Variants in ZNF544 observed in about 807,000 individuals in gnomAD.
ZNF544 encodes zinc finger protein AF020591.
In ZNF544, 10 loss-of-function variants were observed where a neutral mutation model predicts 13.5. The ratio of observed to expected loss-of-function variants is 0.74; its 90% CI spans 0.46 to 1.25. The LOEUF (loss-of-function observed/expected upper bound fraction) is 1.25. Ranked by LOEUF, ZNF544 falls within the 50% of genes most tolerant of loss-of-function variation. ZNF544 has a pLI of 0.00. For missense variants in ZNF544, 896 were observed against 845.6 expected (o/e 1.06, Z -0.74); for synonymous variants, 323 against 300.5 (o/e 1.07, Z -0.77).
chr19:58,262,419 G>A lies in ZNF544; in HGVS notation c.1813G>A (p.Glu605Lys). The part of the protein sequence containing the change: ...KRTHTGEKPY[E>K]CNECGKAFNR... ...AACTCACACTGGAGAAAAGCCCTAT[G>A]AATGTAACGAGTGTGGAAAAGCCTT... The change falls in exon 7 of 7, where the codon GAA (glutamate) becomes AAA (lysine). Residue 605 changes from glutamate to lysine, a missense_variant. By Grantham distance (56) the Glu-to-Lys change is moderately conservative. Transcript: ENST00000687789. 6.2e-7 allele frequency: 1 copy of A among 1,614,200 alleles called. No individual in the cohort carries two copies. Among genetic ancestry groups the A allele is most frequent in the South Asian group, 1.1e-5 (1 of 91,090 alleles).
intron 5 of ZNF544, among the ~76,000 whole-genome samples, chr19:58,273,476 G>A (rs529923322): frequency 6.6e-6 from 1 of 152,130 alleles, no homozygotes. Context: ...GGATCACCAG[G>A]TCAGGAGATA....
At chr19:58,268,514 G>GAA (rs1399340275), downstream of ZNF544, among the ~76,000 whole-genome samples, 1 of 152,188 alleles carries the variant, frequency 6.6e-6, no homozygotes, top group Non-Finnish European at 1.5e-5. Context: ...ACTTTCTGCA[G>GAA]AAAGGGTGCT....
intron 3 of ZNF544, among the ~76,000 whole-genome samples, chr19:58,236,898 T>C (rs1171162856): frequency 1.4e-5 from 2 of 148,060 alleles, no homozygotes; most frequent in Non-Finnish European, 3.0e-5. Flanking sequence ...CGCGCCACCA[T>C]GCCCAGCTAA....
At chr19:58,237,135 G>A (rs1470627177) in intron 3 of ZNF544, among the ~76,000 whole-genome samples, 4 of 147,846 alleles carry the variant, frequency 2.7e-5, no homozygotes, top group Non-Finnish European at 5.9e-5. Context: ...TGTGATCTTG[G>A]CTCACTGCAG....
At position 58,261,276 on chromosome 19, in the gene ZNF544, C is replaced by CA. The variant is rs1449518521; in HGVS notation, c.671dup (p.Ser225GlufsTer6). The CA allele has an allele frequency of 6.2e-7, 1 of 1,614,016 alleles. No individual in the cohort carries two copies. The highest frequency in any genetic ancestry group is 8.5e-7 in the Non-Finnish European group (1 of 1,180,048). On this transcript the variant is annotated frameshift_variant, in exon 7 of 7. Transcript: ENST00000687789. LOFTEE classifies it low-confidence loss of function (END_TRUNC). ...TCATCAGTGTGCTAGAGCTTTCTGT[C>CA]AGAGTATTTACTTGAGTAAACTTGG... is the stretch of plus-strand genomic sequence containing the variant.
chr19:58,260,795 T>TCCCCCCCC, intron 6 of ZNF544, 56 bp from the exon 7 acceptor site: 1 of 1,367,068 alleles, frequency 7.3e-7, no homozygotes, highest in South Asian at 1.5e-5. Flanking sequence ...CATCTCCCCC[T>TCCCCCCCC]CCCCCTCCCC....
intron 3 of ZNF544, among the ~76,000 whole-genome samples, chr19:58,232,745 T>A: frequency 7.6e-6 from 1 of 131,562 alleles, no homozygotes; most frequent in East Asian, 2.1e-4. Flanking sequence ...CTGGCTAACA[T>A]GGGGAAACCC....
At chr19:58,260,107 T>A (rs1157008199) in intron 6 of ZNF544, among the ~76,000 whole-genome samples, 3 of 152,092 alleles carry the variant, frequency 2.0e-5, no homozygotes, top group Non-Finnish European at 4.4e-5. Flanking sequence ...GAAAACTAAG[T>A]AAATAATAAT....
At chr19:58,260,265 A>T (rs529091679) in intron 6 of ZNF544, 4 of 152,082 alleles carry the variant, frequency 2.6e-5, no homozygotes, top group Admixed American at 2.6e-4. Flanking sequence ...TTCTCTTTTT[A>T]TCTTCACCTC....
chr19:58,263,612 T>C lies in ZNF544; in HGVS notation c.*858T>C. On this transcript the variant is annotated 3_prime_UTR_variant, in exon 7 of 7. Transcript: ENST00000687789. ...AAACTGTGTATTACCAAGCTCACTC[T>C]AGCCAACTAAATAAAAATCTCTGGC... is the stretch of plus-strand genomic sequence containing the variant. 1.0e-6 allele frequency: 1 copy of C among 977,174 alleles called. No individual in the cohort carries two copies. The highest frequency in any genetic ancestry group is 4.7e-5 in the South Asian group (1 of 21,114). 60.5% of individuals were successfully genotyped at this position (977,174 alleles called of 1,614,324 possible). A position where few individuals can be genotyped will look rare whatever the true frequency, so the allele number is the denominator to read the frequency against.
In ZNF544 at chr19:58,246,358, C is replaced by T; in HGVS notation, c.91C>T (p.Leu31=). The change falls in exon 5 of 7, where the codon CTG becomes TTG. Residue 31 remains leucine, a synonymous_variant. Coordinates refer to ENST00000687789, the MANE Select transcript of ZNF544 (RefSeq NM_014480.4). ...MAFTQEEWEQ[L]DLAQRTLYRE... is the part of the protein sequence containing the mutation. Reference sequence around the variant, plus strand: ...ATTCACACAGGAGGAGTGGGAACAGCTGGACCTGGCCCAGAGGACACTGTA... The same window carrying T: ...ATTCACACAGGAGGAGTGGGAACAGTTGGACCTGGCCCAGAGGACACTGTA... 1 of 1,614,106 alleles carries T rather than the reference C, an allele frequency of 6.2e-7. No homozygotes were observed. Among genetic ancestry groups the T allele is most frequent in the Non-Finnish European group, 8.5e-7 (1 of 1,180,018 alleles).
chr19:58,267,362 G>C (rs1319007699), downstream of ZNF544, among the ~76,000 whole-genome samples: 2 of 150,444 alleles, frequency 1.3e-5, no homozygotes. Flanking sequence ...GCACCCAGCA[G>C]AATCAAATAT....
intron 3 of ZNF544, among the ~76,000 whole-genome samples, chr19:58,240,901 G>A (rs1049759721): frequency 6.6e-6 from 1 of 151,484 alleles, no homozygotes; most frequent in Non-Finnish European, 1.5e-5. Context: ...TACCTTTTTG[G>A]GGTAGGGGTC....
rs747774639 is a variant in ZNF544 at position 58,262,075 on chromosome 19, A to G, written c.1469A>G (p.Lys490Arg). 6.2e-7 allele frequency: 1 copy of G among 1,609,264 alleles called. No homozygotes were observed. The highest frequency in any genetic ancestry group is 1.1e-5 in the South Asian group (1 of 90,910). ...CATAAAAGAACGCACACTGGAGAAA[A>G]ACCCTTCAAATGTACTCAGTGTGGG... is the stretch of plus-strand genomic sequence containing the variant. ...VTHKRTHTGE[K>R]PFKCTQCGKS... Residue 490 changes from lysine (K) to arginine (R), a missense_variant, in exon 7 of 7, where the codon AAA becomes AGA. Coordinates refer to ENST00000687789, the MANE Select transcript of ZNF544 (RefSeq NM_014480.4).
Position 58,262,917 on chromosome 19 carries a change from G to T in ZNF544, c.*163G>T. 6.9e-7 allele frequency: 1 copy of T among 1,451,482 alleles called. No individual in the cohort carries two copies. Among genetic ancestry groups the T allele is most frequent in the Non-Finnish European group, 9.0e-7 (1 of 1,108,940 alleles). 89.9% of individuals were successfully genotyped at this position (1,451,482 alleles called of 1,614,324 possible). A position where few individuals can be genotyped will look rare whatever the true frequency, so the allele number is the denominator to read the frequency against. On this transcript the variant is annotated 3_prime_UTR_variant, in exon 7 of 7. Coordinates refer to ENST00000687789, the MANE Select transcript of ZNF544 (RefSeq NM_014480.4). ...TATCCTGGAGAAAAGCCCTACGAAT[G>T]CATTGATTGTGGGAAAGCCTTCAAT...
Position 58,262,631 on chromosome 19 carries a change from T to A in ZNF544, c.2025T>A (p.Leu675=). 1 of 1,613,938 alleles carries A rather than the reference T, an allele frequency of 6.2e-7. No individual in the cohort carries two copies. The highest frequency in any genetic ancestry group is 8.5e-7 in the Non-Finnish European group (1 of 1,179,856). Residue 675 remains leucine (L), a synonymous_variant, in exon 7 of 7, where the codon CTT becomes CTA. Transcript: ENST00000687789. ...AAGCCTTTTCAGGGAGCTCTAACCT[T>A]CTTTCCCATCACAGAATTCATTCTG... ...CGKAFSGSSN[L]LSHHRIHSGE... is the part of the protein sequence containing the mutation.
chr19:58,263,651 A>G (rs2049446895), downstream of ZNF544: 19 of 913,980 alleles, frequency 2.1e-5, 1 homozygote, highest in Non-Finnish European at 2.5e-5. Context: ...AAAATCCAGG[A>G]GTCTGCAGTT....
In ZNF544 at chr19:58,241,552, A is replaced by C. The variant is rs989510218; in HGVS notation, c.-59-2413A>C. Among the ~76,000 whole-genome samples the C allele has an allele frequency of 2.0e-5, 3 of 148,116 alleles. No homozygotes were observed. In the East Asian group the frequency reaches 6.0e-4, roughly 29 times the overall value. On this transcript the variant is annotated intron_variant, in intron 3 of 6. Coordinates refer to ENST00000687789, the MANE Select transcript of ZNF544 (RefSeq NM_014480.4). ...CGCTCTGTCACCCAGGCTGGAGTGC[A>C]GTAGTGCGATCTCAGCTCACTGCAA...
rs1295364463 is a variant in ZNF544, at chr19:58,252,033, C to T, written c.244+5239C>T. On this transcript the variant is annotated intron_variant, in intron 6 of 6. Transcript: ENST00000687789. Reference sequence around the variant, plus strand: ...TATAACTTCATTAAACTTCTCTGTTCTGGTAGGGTACACTTCAACCCAGCC... The same window carrying T: ...TATAACTTCATTAAACTTCTCTGTTTTGGTAGGGTACACTTCAACCCAGCC... Among the ~76,000 whole-genome samples, 6 of 152,134 alleles carry T rather than the reference C, an allele frequency of 3.9e-5. No individual in the cohort carries two copies. The South Asian group carries it at 1.0e-3, about 26-fold the overall frequency.
Sources: gnomAD v4.1 joint callset for allele counts (sites outside exome capture counted in the v4.1 genomes callset) on GRCh38, gnomAD v4.1.1 for gene constraint, MANE v1.5 for transcripts, NCBI Gene and HGNC (gene_info 2026-07-23, HGNC 2026-07-21) for gene names.